TOP3B: variants seen among roughly 807,000 people sequenced by gnomAD.
TOP3B encodes DNA topoisomerase 3-beta-1.
A neutral mutation model predicts 93.9 loss-of-function variants in TOP3B; 45 were observed. The ratio of observed to expected loss-of-function variants is 0.48; its 90% CI spans 0.38 to 0.61. The LOEUF is 0.61. Among genes scored for constraint, TOP3B ranks in the 20% least tolerant of loss-of-function variants. The pLI is 0.00. For missense variants in TOP3B, 750 were observed against 1,156.1 expected (o/e 0.65, Z 5.09); for synonymous variants, 357 against 472.6 (o/e 0.76, Z 3.17).
intron 4 of TOP3B, chr22:21,972,332 A>G: frequency 2.1e-6 from 1 of 470,794 alleles, no homozygotes. Context: ...ATCTGTATGC[A>G]TTTGTTTTAA....
intron 2 of TOP3B, 88 bp downstream of exon 2, chr22:21,975,552 A>G (rs1179049733): frequency 2.8e-6 from 4 of 1,422,790 alleles, no homozygotes; most frequent in Non-Finnish European, 3.8e-6. Flanking sequence ...AATCTACCCC[A>G]GCCAGGGTGG....
At chr22:21,974,191 G>T (rs2071762268) in intron 3 of TOP3B, 166 bp downstream of exon 3, 1 of 832,502 alleles carries the variant, frequency 1.2e-6, no homozygotes, top group Non-Finnish European at 1.8e-6. Context: ...TGGGTTCTGG[G>T]CACCGCACCA....
Position 21,970,195 on chromosome 22 carries a change from G to A in TOP3B, c.581+15C>T, listed in dbSNP as rs763122699. ...AGTGAGGGTGTGCCCAGGACTCTGC[G>A]GGTGTGGCCAGCACCTGGTGAATGC... On this transcript the variant is annotated intron_variant, in intron 6 of 17. Transcript: ENST00000357179. This position sits in a 1 kb window ranked among gnomAD's most constrained non-coding sequence, Gnocchi z 4.4. The A allele has an allele frequency of 8.1e-6, 13 of 1,607,070 alleles. No individual in the cohort carries two copies. The highest frequency in any genetic ancestry group is 1.1e-5 in the Non-Finnish European group (13 of 1,179,416).
rs982544881 is a variant in TOP3B at position 21,967,390 on chromosome 22, C to G, written c.852+213G>C. 1.1e-5 allele frequency: 6 copies of G among 556,408 alleles called. No homozygotes were observed. The South Asian group carries it at 1.2e-4, about 11-fold the overall frequency. The allele number at this position is 556,408 out of a possible 1,614,324, so 34.5% of individuals were successfully genotyped here. A position where few individuals can be genotyped will look rare whatever the true frequency, so the allele number is the denominator to read the frequency against. On this transcript the variant is annotated intron_variant, in intron 8 of 17. Coordinates refer to ENST00000357179, the MANE Select transcript of TOP3B (RefSeq NM_001282112.2). ...GGTGTGGACAGTGCCTGGTATGGAGCGGGCATGCAGTACACTGTGACTATT... is the reference window on the plus strand; with the variant it reads ...GGTGTGGACAGTGCCTGGTATGGAGGGGGCATGCAGTACACTGTGACTATT...
chr22:21,963,912 G>A lies in TOP3B; in HGVS notation c.1204+11C>T. The A allele has an allele frequency of 1.2e-6, 2 of 1,612,910 alleles. No individual in the cohort carries two copies. Among genetic ancestry groups the A allele is most frequent in the African/African-American group, 2.7e-5 (2 of 75,062 alleles). ...CCTGGAAGCACACCGGGTATGGGAT[G>A]AGAGCGGTACCTAATTCGGCCTCTG... On this transcript the variant is annotated intron_variant, in intron 11 of 17. Transcript: ENST00000357179. The surrounding 1 kb of genome is among the most constrained non-coding windows in gnomAD (Gnocchi z 4.8).
intron 2 of TOP3B, 195 bp from the exon 3 acceptor site, chr22:21,974,683 C>G (rs951812992): frequency 2.8e-5 from 16 of 576,944 alleles, no homozygotes; most frequent in African/African-American, 1.9e-4. Context: ...ACAGCATCTG[C>G]CAACAACCTA....
At chr22:21,967,812 C>A in intron 7 of TOP3B, 96 bp from the exon 8 acceptor site, 1 of 949,392 alleles carries the variant, frequency 1.1e-6, no homozygotes, top group South Asian at 1.4e-5. Context: ...TGGTCCTTGT[C>A]TGGGAGCCAA....
intron 17 of TOP3B, chr22:21,958,079 G>A (rs1312848927): frequency 7.8e-7 from 1 of 1,278,312 alleles, no homozygotes; most frequent in Admixed American, 2.4e-5. Context: ...GTCTGGCTCG[G>A]TGCTCTGTCC....
chr22:21,957,348 C>T lies in TOP3B; in HGVS notation c.2355G>A (p.Lys785=). 6.2e-7 allele frequency: 1 copy of T among 1,610,884 alleles called. No homozygotes were observed. The highest frequency in any genetic ancestry group is 1.1e-5 in the South Asian group (1 of 90,826). ...CATCGCCCGGGAGTGGGGACTTGGCCTTGTTGAAGTCCACATCAAGCAAGG... is the reference window on the plus strand; with the variant it reads ...CATCGCCCGGGAGTGGGGACTTGGCTTTGTTGAAGTCCACATCAAGCAAGG... ...EAALLDVDFN[K]AKSPLPGDET... Residue 785 remains lysine, a synonymous_variant, in exon 18 of 18, where the codon AAG becomes AAA. Coordinates refer to ENST00000357179, the MANE Select transcript of TOP3B (RefSeq NM_001282112.2).
At chr22:21,967,533 C>G (rs920487573) in intron 8 of TOP3B, 70 bp downstream of exon 8, 38 of 1,193,076 alleles carry the variant, frequency 3.2e-5, no homozygotes, top group African/African-American at 6.0e-5. Flanking sequence ...GGCTGTTCCT[C>G]CAGCGGGAGG....
intron 16 of TOP3B, 196 bp downstream of exon 16, chr22:21,958,936 T>G: frequency 9.7e-7 from 1 of 1,028,670 alleles, no homozygotes; most frequent in Non-Finnish European, 1.4e-6. Context: ...AAATGCACCA[T>G]GTGTGTTTGC....
chr22:21,972,701 C>T lies in TOP3B; in HGVS notation c.220G>A (p.Asp74Asn), dbSNP rs569527298. Reference sequence around the variant, plus strand: ...AACAGTTCTGCGGGGTCCACTTTGTCCCATTTGTTGTATTTTCCTACAAAC... The same window carrying T: ...AACAGTTCTGCGGGGTCCACTTTGTTCCATTTGTTGTATTTTCCTACAAAC... ...LDFLGKYNKW[D>N]KVDPAELFSQ... The change falls in exon 4 of 18, where the codon GAC becomes AAC. Residue 74 changes from aspartate (D) to asparagine (N), a missense_variant. Coordinates refer to ENST00000357179, the MANE Select transcript of TOP3B (RefSeq NM_001282112.2). 1.9e-6 allele frequency: 3 copies of T among 1,613,910 alleles called. No individual in the cohort carries two copies. The highest frequency in any genetic ancestry group is 1.7e-6 in the Non-Finnish European group (2 of 1,179,946).
chr22:21,975,596 A>T, intron 2 of TOP3B, 44 bp downstream of exon 2: 1 of 1,559,048 alleles, frequency 6.4e-7, no homozygotes, highest in East Asian at 2.3e-5. Flanking sequence ...TGTAACACAT[A>T]AACGACCGTG....
Position 21,970,705 on chromosome 22 carries a change from T to C in TOP3B, c.385-299A>G. ...CCCGCCCTCTCTTCTAATCCTCTGC[T>C]TTCATCCCCACCAAATCAGGAAATG... is the stretch of plus-strand genomic sequence containing the variant. On this transcript the variant is annotated intron_variant, in intron 5 of 17. Coordinates refer to ENST00000357179, the MANE Select transcript of TOP3B (RefSeq NM_001282112.2). The surrounding 1 kb of genome is among the most constrained non-coding windows in gnomAD (Gnocchi z 4.4). 2.4e-6 allele frequency: 1 copy of C among 422,604 alleles called. No individual in the cohort carries two copies. Among genetic ancestry groups the C allele is most frequent in the Non-Finnish European group, 4.4e-6 (1 of 225,842 alleles). 26.2% of individuals were successfully genotyped at this position (422,604 alleles called of 1,614,324 possible).
chr22:21,957,767 C>A, intron 17 of TOP3B, 172 bp from the exon 18 acceptor site: 1 of 1,516,140 alleles, frequency 6.6e-7, no homozygotes, highest in South Asian at 1.2e-5. Flanking sequence ...CTGCCATTAC[C>A]CCTGTTTTCT....
intron 6 of TOP3B, chr22:21,969,930 ATT>A (rs56123700): frequency 0.36 from 62,800 of 176,478 alleles, 11,240 homozygotes; most frequent in African/African-American, 0.55. Flanking sequence ...CAAAAAAATA[ATT>A]TTTTTTTTTT....
At chr22:21,981,556 C>T (rs555770039) in intron 1 of TOP3B, among the ~76,000 whole-genome samples, 7 of 152,196 alleles carry the variant, frequency 4.6e-5, no homozygotes, top group African/African-American at 1.4e-4. Context: ...AAATACTTTG[C>T]GAGGCTGAGG....
chr22:21,962,999 T>C, intron 11 of TOP3B, 106 bp from the exon 12 acceptor site: 1 of 1,372,838 alleles, frequency 7.3e-7, no homozygotes, highest in Non-Finnish European at 1.0e-6. Flanking sequence ...ACAGAGCCGC[T>C]GTGCAGGACA....
intron 4 of TOP3B, chr22:21,972,216 G>T: frequency 2.0e-6 from 1 of 494,028 alleles, no homozygotes; most frequent in Non-Finnish European, 3.6e-6. Context: ...CCAGAAGAAG[G>T]GTTAAAATGA....
Sources: allele counts gnomAD v4.1 joint callset (sites outside exome capture counted in the v4.1 genomes callset), GRCh38; gene constraint gnomAD v4.1.1; non-coding constraint Gnocchi (gnomAD v3.1); transcripts MANE v1.5; gene names NCBI Gene and HGNC (gene_info 2026-07-23, HGNC 2026-07-21).